The following NUMB variants were observed in gnomAD, a reference collection of about 807,000 sequenced individuals.
NUMB encodes protein numb homolog.
In NUMB, 29 loss-of-function variants were observed where a neutral mutation model predicts 59.7. The ratio of observed to expected loss-of-function variants is 0.49; its 90% CI spans 0.36 to 0.66. NUMB has a LOEUF of 0.66. NUMB is among the 30% of genes least tolerant of loss of function. The probability of loss-of-function intolerance (pLI) is 0.00; values close to 1 mark genes in which losing one functional copy is unlikely to be tolerated. For missense variants in NUMB, 723 were observed against 822.0 expected (o/e 0.88, Z 1.47); for synonymous variants, 288 against 288.2 (o/e 1.00, Z 0.01).
chr14:73,398,635 T>C (rs1475885780), intron 2 of NUMB, among the ~76,000 whole-genome samples: 1 of 151,858 alleles, frequency 6.6e-6, no homozygotes, highest in Non-Finnish European at 1.5e-5. Context: ...AACAAGTAAA[T>C]GAAAAGATGC....
intron 2 of NUMB, among the ~76,000 whole-genome samples, chr14:73,367,352 G>GAGAC (rs1162126707): frequency 8.9e-6 from 1 of 112,126 alleles, no homozygotes; most frequent in African/African-American, 4.1e-5. Flanking sequence ...TATATATAGA[G>GAGAC]AGAGAGAGAG....
chr14:73,413,627 G>A (rs1252442616), intron 1 of NUMB, among the ~76,000 whole-genome samples: 2 of 151,668 alleles, frequency 1.3e-5, no homozygotes, highest in Non-Finnish European at 2.9e-5. Flanking sequence ...GCCTAGTGGT[G>A]CGCATCTGTA....
At chr14:73,374,090 G>A (rs1415809963) in intron 2 of NUMB, among the ~76,000 whole-genome samples, 2 of 151,946 alleles carry the variant, frequency 1.3e-5, no homozygotes, top group Non-Finnish European at 2.9e-5. Context: ...GGCTGGTCTC[G>A]AACCCCTGAC....
chr14:73,319,719 T>C (rs946655972), intron 5 of NUMB, among the ~76,000 whole-genome samples: 1 of 151,992 alleles, frequency 6.6e-6, no homozygotes, highest in Non-Finnish European at 1.5e-5. Context: ...ATAGTAAAAA[T>C]ATGAAAAGAA....
At chr14:73,424,418 C>A (rs1897493999) in intron 1 of NUMB, among the ~76,000 whole-genome samples, 2 of 152,102 alleles carry the variant, frequency 1.3e-5, no homozygotes, top group Admixed American at 1.3e-4. Context: ...AAATGTATAA[C>A]CATTAAGAAC....
chr14:73,297,129 TG>T (rs1260329294), intron 7 of NUMB, 81 bp downstream of exon 7: 17 of 906,150 alleles, frequency 1.9e-5, no homozygotes, highest in Non-Finnish European at 2.8e-5. Flanking sequence ...ATCGTGCCAT[TG>T]CACTCCAGCC....
At chr14:73,332,297 T>C (rs1892026241) in intron 4 of NUMB, among the ~76,000 whole-genome samples, 1 of 152,028 alleles carries the variant, frequency 6.6e-6, no homozygotes. Flanking sequence ...TCTGTTGCCC[T>C]GGCTGGAGTT....
intron 1 of NUMB, among the ~76,000 whole-genome samples, chr14:73,412,060 G>A (rs1896920378): frequency 1.3e-5 from 2 of 150,892 alleles, no homozygotes; most frequent in East Asian, 2.0e-4. Context: ...AAGTAGCTAG[G>A]ACTACAGATG....
At chr14:73,294,512 TTC>T (rs757608880) in intron 7 of NUMB, among the ~76,000 whole-genome samples, 1 of 152,010 alleles carries the variant, frequency 6.6e-6, no homozygotes, top group Non-Finnish European at 1.5e-5. Context: ...ATTTCCAGGA[TTC>T]TCTTTTTACT....
At chr14:73,326,493 G>T in intron 4 of NUMB, among the ~76,000 whole-genome samples, 1 of 152,036 alleles carries the variant, frequency 6.6e-6, no homozygotes, top group East Asian at 1.9e-4. Flanking sequence ...CAGGCATGGT[G>T]GCAGGCGCCT....
At chr14:73,450,419 T>C (rs879588172) in intron 1 of NUMB, among the ~76,000 whole-genome samples, 2 of 152,240 alleles carry the variant, frequency 1.3e-5, no homozygotes, top group Non-Finnish European at 2.9e-5. Flanking sequence ...GTCACAAATA[T>C]ATTTCTGTCA....
At chr14:73,389,295 A>AG (rs1566775255) in intron 2 of NUMB, among the ~76,000 whole-genome samples, 3 of 30,282 alleles carry the variant, frequency 9.9e-5, no homozygotes, top group African/African-American at 8.8e-4. Flanking sequence ...AAAAAAAAAC[A>AG]AAAACAAAAA....
At chr14:73,443,515 A>T (rs1374944994) in intron 1 of NUMB, among the ~76,000 whole-genome samples, 1 of 151,692 alleles carries the variant, frequency 6.6e-6, no homozygotes, top group African/African-American at 2.4e-5. Context: ...AAATTGCTTG[A>T]ACCTGGGAGG....
intron 1 of NUMB, among the ~76,000 whole-genome samples, chr14:73,411,781 A>T (rs540959471): frequency 6.6e-6 from 1 of 152,292 alleles, no homozygotes; most frequent in African/African-American, 2.4e-5. Flanking sequence ...TTTTATCCAA[A>T]ACTAATTTTA....
At chr14:73,351,146 T>C (rs1380117469) in intron 4 of NUMB, among the ~76,000 whole-genome samples, 2 of 152,212 alleles carry the variant, frequency 1.3e-5, no homozygotes, top group Non-Finnish European at 2.9e-5. Context: ...TCTGCACTTA[T>C]ACCTCCTAAA....
At chr14:73,388,563 C>T (rs994167269) in intron 2 of NUMB, among the ~76,000 whole-genome samples, 1 of 151,646 alleles carries the variant, frequency 6.6e-6, no homozygotes, top group Non-Finnish European at 1.5e-5. Context: ...AACGTTGTTT[C>T]TTTATTGTGG....
intron 1 of NUMB, among the ~76,000 whole-genome samples, chr14:73,429,060 G>A (rs769482712): frequency 2.6e-5 from 4 of 151,946 alleles, no homozygotes; most frequent in Admixed American, 6.6e-5. Context: ...CCAATCCCTC[G>A]CAACCACTGG....
chr14:73,424,379 T>C (rs753272936), intron 1 of NUMB, among the ~76,000 whole-genome samples: 2 of 152,160 alleles, frequency 1.3e-5, no homozygotes, highest in South Asian at 4.1e-4. Context: ...ATTAACATAA[T>C]TTTTTTAAAA....
chr14:73,314,571 A>G (rs2139898457), intron 6 of NUMB, among the ~76,000 whole-genome samples: 1 of 152,268 alleles, frequency 6.6e-6, no homozygotes, highest in South Asian at 2.1e-4. Context: ...TTGAGGGAAG[A>G]GCTTTGTTCC....
Sources: allele counts gnomAD v4.1 joint callset (sites outside exome capture counted in the v4.1 genomes callset), GRCh38; gene constraint gnomAD v4.1.1; transcripts MANE v1.5; gene names NCBI Gene and HGNC (gene_info 2026-07-23, HGNC 2026-07-21).